The following EFHD2 variants were observed in gnomAD, a reference collection of about 807,000 sequenced individuals.
EFHD2 encodes the protein EF-hand domain-containing protein D2.
Under a neutral mutation model 20.3 loss-of-function variants are expected in EFHD2, and 12 were observed. The ratio of observed to expected loss-of-function variants is 0.59; its 90% CI spans 0.38 to 0.96. The LOEUF is 0.96. Among genes scored for constraint, EFHD2 ranks in the 40% least tolerant of loss-of-function variants. The pLI, the probability that EFHD2 is intolerant of heterozygous loss-of-function variation, is 0.00. For missense variants in EFHD2, 250 were observed against 334.3 expected (o/e 0.75, Z 1.97); for synonymous variants, 131 against 143.9 (o/e 0.91, Z 0.64).
At chr1:15,419,319 G>A in intron 1 of EFHD2, among the ~76,000 whole-genome samples, 1 of 152,228 alleles carries the variant, frequency 6.6e-6, no homozygotes, top group Admixed American at 6.5e-5. Flanking sequence ...TTCAAGGGGA[G>A]GCAGATAGGA....
intron 1 of EFHD2, among the ~76,000 whole-genome samples, chr1:15,422,556 C>T (rs1047316461): frequency 6.6e-6 from 1 of 151,630 alleles, no homozygotes; most frequent in African/African-American, 2.4e-5. Context: ...CACATGCACC[C>T]CAGCTTAAGA....
rs758055679 is a variant in EFHD2, at chr1:15,428,626, G to A, written c.625G>A (p.Glu209Lys). Residue 209 changes from glutamate (E) to lysine (K), a missense_variant, in exon 4 of 4, where the codon GAG (glutamate) becomes AAG (lysine). Glu to Lys is a moderately conservative substitution (Grantham distance 56). Transcript: ENST00000375980. Reference protein sequence around the residue: ...QAINVSSRFEEEIKAEQEERK... With the variant: ...QAINVSSRFEKEIKAEQEERK... ...CATCAACGTGTCCAGCCGCTTCGAG[G>A]AGGAGATCAAGGCAGAGCAGGAGGA... 1 of 1,611,454 alleles carries A rather than the reference G, an allele frequency of 6.2e-7. No homozygotes were observed. The highest frequency in any genetic ancestry group is 1.1e-5 in the South Asian group (1 of 90,594).
At position 15,409,934 on chromosome 1, in the gene EFHD2, G is replaced by A; in HGVS notation, c.-38G>A. On this transcript the variant is annotated 5_prime_UTR_variant, in exon 1 of 4. Transcript: ENST00000375980. ...CGCGGCCGGCGGCGCTGCGCTGAGA[G>A]CAGGGGCCCGGCCAAGGCGAGTGCC... 1 of 1,217,372 alleles carries A rather than the reference G, an allele frequency of 8.2e-7. No individual in the cohort carries two copies. The highest frequency in any genetic ancestry group is 3.9e-5 in the South Asian group (1 of 25,898). The allele number at this position is 1,217,372 out of a possible 1,614,324, so 75.4% of individuals were successfully genotyped here. A position where few individuals can be genotyped will look rare whatever the true frequency, so the allele number is the denominator to read the frequency against.
intron 1 of EFHD2, 53 bp downstream of exon 1, chr1:15,410,332 C>G: frequency 6.8e-7 from 1 of 1,477,560 alleles, no homozygotes; most frequent in Non-Finnish European, 9.0e-7. Flanking sequence ...CGGTCTCGGG[C>G]CCCGAACCCC....
At chr1:15,421,684 C>A (rs1707794005) in intron 1 of EFHD2, among the ~76,000 whole-genome samples, 1 of 152,186 alleles carries the variant, frequency 6.6e-6, no homozygotes. Context: ...TGAGCTGCCC[C>A]TGGCTGCAGA....
chr1:15,428,123 A>G (rs912579609), intron 3 of EFHD2: 13 of 397,428 alleles, frequency 3.3e-5, no homozygotes, highest in Non-Finnish European at 6.6e-5. Context: ...ACCCAGGGCC[A>G]GAGCTGGTGA....
At chr1:15,416,097 C>T (rs750208591) in intron 1 of EFHD2, among the ~76,000 whole-genome samples, 1 of 152,156 alleles carries the variant, frequency 6.6e-6, no homozygotes, top group African/African-American at 2.4e-5. Flanking sequence ...CTCCCACTTC[C>T]ACTATGCATC....
In EFHD2 at chr1:15,426,080, G is replaced by A. The variant is rs1025484559; in HGVS notation, c.456+62G>A. On this transcript the variant is annotated intron_variant, in intron 2 of 3. Coordinates refer to ENST00000375980, the MANE Select transcript of EFHD2 (RefSeq NM_024329.6). This position sits in a 1 kb window ranked among gnomAD's most constrained non-coding sequence, Gnocchi z 4.6. The stretch of plus-strand genomic sequence containing the variant: ...GCTTCACCTGAGGACCTGGTGGCCC[G>A]GGAGAGACCAACCCCCACCCTTTGT... 48 of 1,484,880 alleles carry A rather than the reference G, an allele frequency of 3.2e-5. No homozygotes were observed. The highest frequency in any genetic ancestry group is 1.1e-4 in the South Asian group (8 of 72,512). 92.0% of individuals were successfully genotyped at this position (1,484,880 alleles called of 1,614,324 possible).
chr1:15,411,453 C>G (rs2103268702), intron 1 of EFHD2, among the ~76,000 whole-genome samples: 1 of 152,328 alleles, frequency 6.6e-6, no homozygotes, highest in South Asian at 2.1e-4. Context: ...CCGGCCCATC[C>G]CTGGGTCCCA....
chr1:15,410,446 G>T (rs1707461670), intron 1 of EFHD2, among the ~76,000 whole-genome samples, 167 bp downstream of exon 1: 1 of 151,866 alleles, frequency 6.6e-6, no homozygotes, highest in Non-Finnish European at 1.5e-5. Flanking sequence ...TCCAGATCGA[G>T]ACCCGGCATC....
intron 1 of EFHD2, among the ~76,000 whole-genome samples, chr1:15,416,521 G>A (rs1435150950): frequency 6.6e-6 from 1 of 152,226 alleles, no homozygotes; most frequent in Non-Finnish European, 1.5e-5. Flanking sequence ...GGAGTCCTGA[G>A]CCACAGACAC....
chr1:15,411,198 T>A (rs1204338617), intron 1 of EFHD2, among the ~76,000 whole-genome samples: 2 of 133,314 alleles, frequency 1.5e-5, no homozygotes, highest in African/African-American at 5.6e-5. Flanking sequence ...CCCCACTCCG[T>A]ATATCCCCTT....
At chr1:15,411,396 T>C (rs1262408698) in intron 1 of EFHD2, among the ~76,000 whole-genome samples, 6 of 151,502 alleles carry the variant, frequency 4.0e-5, no homozygotes, top group Non-Finnish European at 8.8e-5. Context: ...ACAAAAACAA[T>C]CTTAATGTCT....
At chr1:15,415,327 A>G (rs113083027) in intron 1 of EFHD2, among the ~76,000 whole-genome samples, 3,379 of 152,176 alleles carry the variant, frequency 0.022, 59 homozygotes, top group African/African-American at 0.045. Context: ...GAATGACACC[A>G]TGCTGATGTT....
intron 1 of EFHD2, among the ~76,000 whole-genome samples, chr1:15,420,274 T>G (rs1365605527): frequency 6.6e-6 from 1 of 152,244 alleles, no homozygotes; most frequent in African/African-American, 2.4e-5. Flanking sequence ...ATGATGAAAT[T>G]AACAGGTTTG....
rs370853243 is a variant in EFHD2, at chr1:15,426,483, A to G, written c.456+465A>G. On this transcript the variant is annotated intron_variant, in intron 2 of 3. Coordinates refer to ENST00000375980, the MANE Select transcript of EFHD2 (RefSeq NM_024329.6). The surrounding 1 kb of genome is among the most constrained non-coding windows in gnomAD (Gnocchi z 4.6). ...GGGCAAGCCGGTTTCGCAGGGAAGG[A>G]AATGGAGGCCCAAGCCAGACAGCGA... 1.7e-4 allele frequency among the ~76,000 whole-genome samples: 26 copies of G among 152,114 alleles called. 1 individual carries two copies. In the South Asian group the frequency reaches 5.0e-3, roughly 29 times the overall value.
intron 3 of EFHD2, among the ~76,000 whole-genome samples, chr1:15,427,498 G>C (rs927599686): frequency 6.6e-6 from 1 of 152,212 alleles, no homozygotes; most frequent in African/African-American, 2.4e-5. Flanking sequence ...GGGTGGGTGA[G>C]GGGGGTGTAC....
chr1:15,427,743 C>T lies in EFHD2; in HGVS notation c.591+459C>T, dbSNP rs147157095. Among the ~76,000 whole-genome samples the T allele has an allele frequency of 5.0e-3, 760 of 152,340 alleles. 10 individuals are homozygous for T. The highest frequency in any genetic ancestry group is 0.018 in the African/African-American group (732 of 41,582). On this transcript the variant is annotated intron_variant, in intron 3 of 3. Coordinates refer to ENST00000375980, the MANE Select transcript of EFHD2 (RefSeq NM_024329.6). ...AGCAGGTTCTCAGATGGAGGAGACA[C>T]CTGTGATCTAGTGGCTCCTGGGTCC...
At chr1:15,415,567 C>T (rs1707650725) in intron 1 of EFHD2, among the ~76,000 whole-genome samples, 1 of 151,338 alleles carries the variant, frequency 6.6e-6, no homozygotes, top group Non-Finnish European at 1.5e-5. Flanking sequence ...TGGCTCACTG[C>T]AGCCTTCGTC....
Sources: gnomAD v4.1 joint callset for allele counts (sites outside exome capture counted in the v4.1 genomes callset) on GRCh38, gnomAD v4.1.1 for gene constraint, Gnocchi (gnomAD v3.1) non-coding constraint, MANE v1.5 for transcripts, NCBI Gene and HGNC (gene_info 2026-07-23, HGNC 2026-07-21) for gene names.